Variants in FANCD2OS observed in about 807,000 individuals in gnomAD.
FANCD2OS encodes FANCD2 opposite strand protein.
Under a neutral mutation model 13.2 loss-of-function variants are expected in FANCD2OS, and 11 were observed. That is an observed-to-expected ratio of 0.83 (90% CI 0.52 to 1.38). The LOEUF is 1.38. FANCD2OS is among the 40% of genes most tolerant of loss of function. The pLI, the probability that FANCD2OS is intolerant of heterozygous loss-of-function variation, is 0.00. For missense variants in FANCD2OS, 217 were observed against 213.9 expected (o/e 1.01, Z -0.09); for synonymous variants, 69 against 84.5 (o/e 0.82, Z 1.01).
At chr3:10,084,339 T>C (rs1304625635) in intron 2 of FANCD2OS, among the ~76,000 whole-genome samples, 1 of 150,928 alleles carries the variant, frequency 6.6e-6, no homozygotes, top group Non-Finnish European at 1.5e-5. Context: ...TTGCCCAGGC[T>C]GGAGTGTAGT....
chr3:10,104,532 C>A lies in FANCD2OS; in HGVS notation c.243G>T (p.Thr81=), dbSNP rs143493769. ...KLPCHTSELR[T]MNNKGLVRKP... ...TCCTGACCAGTCCTTTGTTGTTCATCGTGCGCAACTCTGATGTGTGGCAGG... is the reference window on the plus strand; with the variant it reads ...TCCTGACCAGTCCTTTGTTGTTCATAGTGCGCAACTCTGATGTGTGGCAGG... The change falls in exon 2 of 2, where the codon ACG becomes ACT. Residue 81 remains threonine (T), a synonymous_variant. Transcript: ENST00000450660. 6 of 1,614,152 alleles carry A rather than the reference C, an allele frequency of 3.7e-6. No homozygotes were observed. The African/African-American group carries it at 8.0e-5, about 22-fold the overall frequency.
At chr3:10,092,674 T>A in intron 2 of FANCD2OS, among the ~76,000 whole-genome samples, 1 of 137,242 alleles carries the variant, frequency 7.3e-6, no homozygotes, top group African/African-American at 2.8e-5. Context: ...TCTCTCCACC[T>A]CTTTCATGTC....
chr3:10,107,590 C>T (rs975131768), intron 1 of FANCD2OS, among the ~76,000 whole-genome samples: 1 of 151,746 alleles, frequency 6.6e-6, no homozygotes, highest in African/African-American at 2.4e-5. Context: ...CCGGGCCCCC[C>T]GGATCCTTTT....
chr3:10,091,861 G>A (rs1229802409), intron 2 of FANCD2OS, among the ~76,000 whole-genome samples: 9 of 152,216 alleles, frequency 5.9e-5, no homozygotes, highest in Non-Finnish European at 1.2e-4. Context: ...TTGGGAGGCC[G>A]AGGTGGGTGG....
At chr3:10,099,162 A>C, downstream of FANCD2OS, 2 of 1,437,814 alleles carry the variant, frequency 1.4e-6, no homozygotes, top group Non-Finnish European at 1.8e-6. Context: ...AATGAGTTAA[A>C]CCATTTAAAC....
chr3:10,092,498 A>C, intron 2 of FANCD2OS, among the ~76,000 whole-genome samples: 1 of 144,572 alleles, frequency 6.9e-6, no homozygotes, highest in African/African-American at 2.6e-5. Flanking sequence ...GACTCCTTCC[A>C]TCTGTAATTC....
intron 2 of FANCD2OS, chr3:10,088,979 C>A: frequency 6.2e-7 from 1 of 1,612,998 alleles, no homozygotes; most frequent in Non-Finnish European, 8.5e-7. Flanking sequence ...CCAGTTTTTC[C>A]CTTAAGATAG....
chr3:10,082,787 A>G (rs1693925514), intron 2 of FANCD2OS, among the ~76,000 whole-genome samples: 1 of 152,188 alleles, frequency 6.6e-6, no homozygotes, highest in Non-Finnish European at 1.5e-5. Flanking sequence ...TCATTTTATT[A>G]TAATTACTTG....
Position 10,095,229 on chromosome 3 carries a change from C to G in FANCD2OS, c.*43+8969G>C. ...ATGTTCTGAGCTTACTGGAAACCTT[C>G]CAGTTGGACACAAGGCTGCTTCATC... On this transcript the variant is annotated intron_variant, in intron 2 of 2. Transcript: ENST00000524279. The G allele has an allele frequency of 1.9e-6, 3 of 1,614,134 alleles. No individual in the cohort carries two copies. The highest frequency in any genetic ancestry group is 2.5e-6 in the Non-Finnish European group (3 of 1,179,980).
At chr3:10,092,287 AT>A in intron 2 of FANCD2OS, 1 of 1,499,274 alleles carries the variant, frequency 6.7e-7, no homozygotes, top group Non-Finnish European at 9.3e-7. Flanking sequence ...ATCTCACCAA[AT>A]AACTGCAGAA....
chr3:10,102,637 T>A (rs1215745527), downstream of FANCD2OS, among the ~76,000 whole-genome samples: 17 of 150,734 alleles, frequency 1.1e-4, no homozygotes, highest in Admixed American at 4.6e-4. Context: ...GATCAGGAGA[T>A]CGAGACCATC....
chr3:10,101,222 A>C, downstream of FANCD2OS: 5 of 1,613,518 alleles, frequency 3.1e-6, no homozygotes, highest in Non-Finnish European at 4.2e-6. Flanking sequence ...GCTGGAGAAA[A>C]GGAGCAAGAT....
intron 2 of FANCD2OS, among the ~76,000 whole-genome samples, chr3:10,091,455 G>C (rs1316818303): frequency 1.3e-5 from 2 of 149,392 alleles, no homozygotes; most frequent in Non-Finnish European, 3.0e-5. Flanking sequence ...CTGGATGTCA[G>C]ACTCAGACCC....
chr3:10,087,850 T>G (rs1694316076), intron 2 of FANCD2OS, among the ~76,000 whole-genome samples: 1 of 152,082 alleles, frequency 6.6e-6, no homozygotes, highest in Non-Finnish European at 1.5e-5. Flanking sequence ...GGTTTCACCA[T>G]GTTGGTCAGG....
downstream of FANCD2OS, chr3:10,099,279 A>G (rs903102447): frequency 1.6e-5 from 20 of 1,271,174 alleles, no homozygotes; most frequent in Non-Finnish European, 2.0e-5. Flanking sequence ...AGAAGTTCTT[A>G]CGCTTTTTTG....
At chr3:10,099,865 T>C (rs1695200802), downstream of FANCD2OS, among the ~76,000 whole-genome samples, 1 of 152,120 alleles carries the variant, frequency 6.6e-6, no homozygotes, top group South Asian at 2.1e-4. Context: ...CCTCTGTCTG[T>C]AATGCAATTT....
rs752175911 is a variant in FANCD2OS, at chr3:10,104,661, G to A, written c.114C>T (p.Cys38=). Residue 38 remains cysteine, a synonymous_variant, in exon 2 of 2, where the codon TGC becomes TGT. Coordinates refer to ENST00000450660, the MANE Select transcript of FANCD2OS (RefSeq NM_001164839.2). ...CAAGGTCGGACGGTGTGTGTGGGAAGCAGGGGGAGGCCTTGAATGGGTGCT... is the reference window on the plus strand; with the variant it reads ...CAAGGTCGGACGGTGTGTGTGGGAAACAGGGGGAGGCCTTGAATGGGTGCT... ...SSKHPFKASP[C]FPHTPSDLEV... is the part of the protein sequence containing the mutation. The A allele has an allele frequency of 6.2e-7, 1 of 1,614,202 alleles. No homozygotes were observed.
At chr3:10,090,346 GA>G (rs1694514409) in intron 2 of FANCD2OS, 1 of 1,600,452 alleles carries the variant, frequency 6.2e-7, no homozygotes, top group Admixed American at 1.7e-5. Context: ...AGAAGACGGT[GA>G]AAAAAATTGA....
chr3:10,096,247 A>G (rs910207409), intron 2 of FANCD2OS: 21 of 1,471,264 alleles, frequency 1.4e-5, no homozygotes, highest in South Asian at 4.5e-5. Flanking sequence ...TTCTTATTCA[A>G]CATTCAAAGG....
Sources: gnomAD v4.1 joint callset for allele counts (sites outside exome capture counted in the v4.1 genomes callset) on GRCh38, gnomAD v4.1.1 for gene constraint, MANE v1.5 for transcripts, NCBI Gene and HGNC (gene_info 2026-07-23, HGNC 2026-07-21) for gene names.